PPFIA2: variants seen among roughly 807,000 people sequenced by gnomAD.
PPFIA2 encodes the protein PPFI scaffold protein A2.
Under a neutral mutation model 175.5 loss-of-function variants are expected in PPFIA2, and 46 were observed. That is an observed-to-expected ratio of 0.26 (90% CI 0.21 to 0.34). The LOEUF is 0.34. Among genes scored for constraint, PPFIA2 ranks in the 10% least tolerant of loss-of-function variants. The pLI, the probability that PPFIA2 is intolerant of heterozygous loss-of-function variation, is 1.00. For synonymous variants in PPFIA2, 568 were observed against 511.4 expected, an observed-to-expected ratio of 1.11 and a Z score of -1.49; for missense variants, 1,179 against 1,506.1, an observed-to-expected ratio of 0.78 and a Z score of 3.60.
chr12:81,315,037 T>A (rs565962199), intron 22 of PPFIA2, among the ~76,000 whole-genome samples: 1 of 151,630 alleles, frequency 6.6e-6, no homozygotes, highest in Non-Finnish European at 1.5e-5. Flanking sequence ...ATAAGACAGA[T>A]GGGGCAAGTG....
chr12:81,270,868 T>C (rs768364612), intron 28 of PPFIA2: 5 of 152,214 alleles, frequency 3.3e-5, no homozygotes, highest in African/African-American at 4.8e-5. Context: ...GTTTTTACTT[T>C]CCATATTTTA....
At chr12:81,449,423 C>T (rs777136643) in intron 5 of PPFIA2, among the ~76,000 whole-genome samples, 2 of 151,066 alleles carry the variant, frequency 1.3e-5, no homozygotes, top group Admixed American at 6.6e-5. Context: ...CATACTTCTA[C>T]CAGAAACACC....
intron 3 of PPFIA2, among the ~76,000 whole-genome samples, chr12:81,698,199 T>C (rs1208594644): frequency 6.6e-6 from 1 of 152,136 alleles, no homozygotes; most frequent in African/African-American, 2.4e-5. Flanking sequence ...ATGAGTTGAA[T>C]GTCCCCTCCA....
chr12:81,565,814 C>T (rs2071169373), intron 4 of PPFIA2, among the ~76,000 whole-genome samples: 1 of 152,164 alleles, frequency 6.6e-6, no homozygotes. Flanking sequence ...ATTACAAGCT[C>T]TGCCCCCCAA....
intron 30 of PPFIA2, among the ~76,000 whole-genome samples, chr12:81,266,336 T>C (rs1234800348): frequency 6.6e-6 from 1 of 152,194 alleles, no homozygotes; most frequent in Non-Finnish European, 1.5e-5. Flanking sequence ...TTTGCTGATA[T>C]CCCTTGTATT....
chr12:81,531,228 T>C (rs561836962), intron 4 of PPFIA2, among the ~76,000 whole-genome samples: 1 of 151,972 alleles, frequency 6.6e-6, no homozygotes, highest in Admixed American at 6.6e-5. Context: ...CATCCAAAAA[T>C]ACCAATTAAG....
At chr12:81,666,487 C>T (rs1596205704) in intron 4 of PPFIA2, among the ~76,000 whole-genome samples, 2 of 152,272 alleles carry the variant, frequency 1.3e-5, no homozygotes, top group South Asian at 2.1e-4. Flanking sequence ...TGGAAACCAT[C>T]ATTCTCAGCA....
chr12:81,340,835 A>G, intron 20 of PPFIA2, among the ~76,000 whole-genome samples: 1 of 152,130 alleles, frequency 6.6e-6, no homozygotes, highest in South Asian at 2.1e-4. Context: ...TAAAAAATAG[A>G]AGAGTTATTC....
intron 4 of PPFIA2, among the ~76,000 whole-genome samples, chr12:81,636,501 G>A (rs948895224): frequency 1.3e-5 from 2 of 150,370 alleles, no homozygotes; most frequent in Non-Finnish European, 3.0e-5. Flanking sequence ...TCCTGACCTC[G>A]TGATCCGCCC....
intron 14 of PPFIA2, 72 bp from the exon 15 acceptor site, chr12:81,362,856 G>T: frequency 1.1e-6 from 1 of 921,880 alleles, no homozygotes; most frequent in Non-Finnish European, 1.6e-6. Flanking sequence ...GAGTCTTAAT[G>T]ATTTTTTTTA....
rs377096354 is a variant in PPFIA2 at position 81,374,745 on chromosome 12, T to C, written c.1155A>G (p.Leu385=). The change falls in exon 11 of 33, where the codon TTA becomes TTG. Residue 385 remains leucine, a synonymous_variant. Transcript: ENST00000549396. The part of the protein sequence containing the change: ...LRQMEEKNRQ[L]QERLELAEQK... Reference sequence around the variant, plus strand: ...GTTCAGCTAGCTCAAGACGTTCTTGTAACTGTCTGTTTTTCTCTTCCATCT... The same window carrying C: ...GTTCAGCTAGCTCAAGACGTTCTTGCAACTGTCTGTTTTTCTCTTCCATCT... The C allele has an allele frequency of 1.9e-6, 3 of 1,612,858 alleles. No individual in the cohort carries two copies. The highest frequency in any genetic ancestry group is 2.5e-6 in the Non-Finnish European group (3 of 1,179,330).
chr12:81,362,543 A>C (rs760443687), intron 15 of PPFIA2, 150 bp downstream of exon 15: 118 of 437,302 alleles, frequency 2.7e-4, no homozygotes, highest in Non-Finnish European at 3.5e-4. Context: ...TTTGAATGTA[A>C]AAACTGCAAA....
chr12:81,567,233 T>C (rs1251492158), intron 4 of PPFIA2, among the ~76,000 whole-genome samples: 1 of 152,100 alleles, frequency 6.6e-6, no homozygotes, highest in Non-Finnish European at 1.5e-5. Context: ...GTATTTTTAG[T>C]AGAGATGGGG....
At position 81,362,712 on chromosome 12, in the gene PPFIA2, T is replaced by A; in HGVS notation, c.1618A>T (p.Ile540Phe). Residue 540 changes from isoleucine to phenylalanine, a missense_variant, in exon 15 of 33, where the codon ATT (isoleucine) becomes TTT (phenylalanine). Around this residue, in one of 10 missense-constraint regions of PPFIA2, gnomAD observed 186 missense variants for 163.6 expected, o/e 1.14. Transcript: ENST00000549396. ...DQLKMRTGSL[I>F]EPTIPRTHLD... is the part of the protein sequence containing the mutation. ...TGTTACCTTGGTATTGTGGGTTCAATTAAAGAGCCAGTTCTCATTTTCAAT... is the reference window on the plus strand; with the variant it reads ...TGTTACCTTGGTATTGTGGGTTCAAATAAAGAGCCAGTTCTCATTTTCAAT... The A allele has an allele frequency of 6.5e-7, 1 of 1,546,522 alleles. No homozygotes were observed.
At chr12:81,672,116 T>C (rs551406910) in intron 4 of PPFIA2, among the ~76,000 whole-genome samples, 83 of 151,852 alleles carry the variant, frequency 5.5e-4, no homozygotes, top group African/African-American at 1.9e-3. Context: ...CAAATATATA[T>C]TGAATTTGAA....
intron 4 of PPFIA2, among the ~76,000 whole-genome samples, chr12:81,579,916 G>A (rs1056632326): frequency 1.3e-5 from 2 of 151,738 alleles, no homozygotes; most frequent in Admixed American, 6.6e-5. Flanking sequence ...GGTAGTCTTG[G>A]TAGTCTGCAT....
chr12:81,313,106 T>C (rs543193851), intron 22 of PPFIA2, among the ~76,000 whole-genome samples: 3 of 152,286 alleles, frequency 2.0e-5, no homozygotes, highest in South Asian at 4.1e-4. Flanking sequence ...GATACACATA[T>C]AGCTTTTGAA....
intron 4 of PPFIA2, among the ~76,000 whole-genome samples, chr12:81,544,819 C>T (rs1018937450): frequency 1.3e-5 from 2 of 152,162 alleles, no homozygotes; most frequent in Non-Finnish European, 2.9e-5. Context: ...GCTTCCAAAT[C>T]ACCGTCATTA....
intron 7 of PPFIA2, among the ~76,000 whole-genome samples, chr12:81,407,036 C>G (rs2142971820): frequency 6.6e-6 from 1 of 152,302 alleles, no homozygotes; most frequent in East Asian, 1.9e-4. Flanking sequence ...ATATCCTTCT[C>G]TAGGTATATG....
Sources: allele counts gnomAD v4.1 joint callset (sites outside exome capture counted in the v4.1 genomes callset), GRCh38; gene constraint gnomAD v4.1.1; regional missense constraint gnomAD v4.1.1; transcripts MANE v1.5; gene names NCBI Gene and HGNC (gene_info 2026-07-23, HGNC 2026-07-21).